The following ADAMTS17 variants were observed in gnomAD, a reference collection of about 807,000 sequenced individuals.
ADAMTS17 encodes ADAM metallopeptidase with thrombospondin type 1 motif 17, also known as A disintegrin and metalloproteinase with thrombospondin motifs 17.
A neutral mutation model predicts 141.5 loss-of-function variants in ADAMTS17; 113 were observed. The observed-to-expected ratio is 0.80, with a 90% CI of 0.69 to 0.93. The LOEUF is 0.93. Among genes scored for constraint, ADAMTS17 ranks in the 40% least tolerant of loss-of-function variants. The pLI, the probability that ADAMTS17 is intolerant of heterozygous loss-of-function variation, is 0.00. For synonymous variants in ADAMTS17, 768 were observed against 630.6 expected, an observed-to-expected ratio of 1.22 and a Z score of -3.27; for missense variants, 1,659 against 1,517.9, an observed-to-expected ratio of 1.09 and a Z score of -1.54.
chr15:99,998,557 T>C (rs2060852789), intron 18 of ADAMTS17, among the ~76,000 whole-genome samples: 1 of 152,128 alleles, frequency 6.6e-6, no homozygotes, highest in Non-Finnish European at 1.5e-5. Flanking sequence ...TGAGCCAAGA[T>C]CGCGCCACTG....
chr15:100,100,763 AG>A (rs1192590616), intron 14 of ADAMTS17, among the ~76,000 whole-genome samples: 1 of 151,612 alleles, frequency 6.6e-6, no homozygotes, highest in Non-Finnish European at 1.5e-5. Flanking sequence ...CCACACAAAA[AG>A]AGAGATAAGA....
chr15:100,292,067 A>G (rs1374407124), intron 3 of ADAMTS17, among the ~76,000 whole-genome samples: 3 of 132,952 alleles, frequency 2.3e-5, no homozygotes, highest in Non-Finnish European at 3.3e-5. Flanking sequence ...GTCACGAGAG[A>G]CGCTCAGCCC....
chr15:100,318,375 G>A (rs2045630869), intron 3 of ADAMTS17, among the ~76,000 whole-genome samples: 1 of 152,114 alleles, frequency 6.6e-6, no homozygotes, highest in Non-Finnish European at 1.5e-5. Flanking sequence ...GGTGTTGGAA[G>A]GTGAAGCCTT....
At chr15:100,155,119 CTT>C (rs1447668049) in intron 9 of ADAMTS17, 59 bp downstream of exon 9, 6 of 1,611,744 alleles carry the variant, frequency 3.7e-6, no homozygotes, top group Non-Finnish European at 5.1e-6. Context: ...GACTCCAATA[CTT>C]TTGTCTTTTG....
intron 7 of ADAMTS17, among the ~76,000 whole-genome samples, chr15:100,223,909 G>A (rs1306556499): frequency 6.6e-6 from 1 of 152,084 alleles, no homozygotes; most frequent in African/African-American, 2.4e-5. Flanking sequence ...TGAGGAGCAA[G>A]GAGAAGCAGT....
At chr15:100,133,159 GT>G (rs2038143301) in intron 11 of ADAMTS17, 54 bp downstream of exon 11, 1 of 1,484,114 alleles carries the variant, frequency 6.7e-7, no homozygotes, top group African/African-American at 1.4e-5. Context: ...AGAGGTGCCA[GT>G]TGCCTGCAAG....
chr15:100,040,299 C>G (rs1303411229), intron 18 of ADAMTS17, among the ~76,000 whole-genome samples: 1 of 152,246 alleles, frequency 6.6e-6, no homozygotes, highest in African/African-American at 2.4e-5. Context: ...ACAGCCATTT[C>G]TTCTGTGGGC....
chr15:100,108,842 C>A, intron 14 of ADAMTS17, 147 bp downstream of exon 14: 3 of 1,363,642 alleles, frequency 2.2e-6, no homozygotes, highest in South Asian at 2.4e-5. Flanking sequence ...GCAACACTGG[C>A]GGCAGGAGGC....
chr15:100,107,886 G>A (rs1413664272), intron 14 of ADAMTS17, among the ~76,000 whole-genome samples: 1 of 152,140 alleles, frequency 6.6e-6, no homozygotes, highest in Admixed American at 6.5e-5. Context: ...CTAAGATGCT[G>A]GGGCTCTCTC....
chr15:100,035,685 C>T (rs188768595), intron 18 of ADAMTS17, among the ~76,000 whole-genome samples: 5 of 152,194 alleles, frequency 3.3e-5, no homozygotes, highest in African/African-American at 7.2e-5. Context: ...TGCGTGGTTC[C>T]AGAGGGACCC....
At chr15:100,015,122 T>A (rs1173094345) in intron 18 of ADAMTS17, among the ~76,000 whole-genome samples, 1 of 152,244 alleles carries the variant, frequency 6.6e-6, no homozygotes, top group East Asian at 1.9e-4. Context: ...GATGTCTCAC[T>A]TTGTCTCTTT....
intron 14 of ADAMTS17, among the ~76,000 whole-genome samples, chr15:100,099,104 G>A (rs996771864): frequency 3.3e-5 from 5 of 152,196 alleles, no homozygotes; most frequent in East Asian, 1.9e-4. Flanking sequence ...CCCCAAAGAA[G>A]GGGGCTTTTC....
chr15:100,010,150 A>C (rs1301248052), intron 18 of ADAMTS17, among the ~76,000 whole-genome samples: 2 of 152,210 alleles, frequency 1.3e-5, no homozygotes, highest in Non-Finnish European at 2.9e-5. Flanking sequence ...GGCTTCTGCC[A>C]TAACTGTGAG....
intron 8 of ADAMTS17, among the ~76,000 whole-genome samples, chr15:100,195,044 C>A (rs1037917224): frequency 1.1e-4 from 16 of 152,262 alleles, no homozygotes; most frequent in African/African-American, 3.4e-4. Flanking sequence ...ACGCTGCCAA[C>A]ATTTCTAATT....
At chr15:100,203,869 G>T (rs1333784506) in intron 7 of ADAMTS17, among the ~76,000 whole-genome samples, 3 of 151,806 alleles carry the variant, frequency 2.0e-5, no homozygotes, top group African/African-American at 7.3e-5. Flanking sequence ...CTGCACTGCA[G>T]CCTGGGTGAC....
At chr15:100,089,091 C>G (rs2035288498) in intron 15 of ADAMTS17, among the ~76,000 whole-genome samples, 2 of 152,088 alleles carry the variant, frequency 1.3e-5, no homozygotes, top group East Asian at 1.9e-4. Context: ...ATCTACTCAT[C>G]TGACAAAAGG....
chr15:100,220,167 T>C (rs904527596), intron 7 of ADAMTS17, among the ~76,000 whole-genome samples: 6 of 152,284 alleles, frequency 3.9e-5, no homozygotes, highest in East Asian at 3.9e-4. Flanking sequence ...CTCCTCATAA[T>C]GGACAGCAGA....
chr15:100,125,484 G>A (rs1251956078), intron 12 of ADAMTS17, among the ~76,000 whole-genome samples: 1 of 152,058 alleles, frequency 6.6e-6, no homozygotes, highest in East Asian at 1.9e-4. Flanking sequence ...CATGTGGGCG[G>A]CACCTCATGA....
chr15:100,088,971 A>G lies in ADAMTS17; in HGVS notation c.2137+7385T>C, dbSNP rs2035279285. On this transcript the variant is annotated intron_variant, in intron 15 of 21. Coordinates refer to ENST00000268070, the MANE Select transcript of ADAMTS17 (RefSeq NM_139057.4). ...AAAACACCAAAAGCAATGGCAACAAAAGCCAAAATTGACAAATGGGATCTA... is the reference window on the plus strand; with the variant it reads ...AAAACACCAAAAGCAATGGCAACAAGAGCCAAAATTGACAAATGGGATCTA... 5.9e-5 allele frequency among the ~76,000 whole-genome samples: 9 copies of G among 151,920 alleles called. No individual in the cohort carries two copies. The South Asian group carries it at 1.9e-3, about 32-fold the overall frequency.
Sources: allele counts gnomAD v4.1 joint callset (sites outside exome capture counted in the v4.1 genomes callset), GRCh38; gene constraint gnomAD v4.1.1; transcripts MANE v1.5; gene names NCBI Gene and HGNC (gene_info 2026-07-23, HGNC 2026-07-21).